The following ZNF518B variants were observed in gnomAD, a reference collection of about 807,000 sequenced individuals.
ZNF518B encodes the protein zinc finger protein 518B.
Under a neutral mutation model 56.3 loss-of-function variants are expected in ZNF518B, and 23 were observed. The observed-to-expected ratio is 0.41, with a 90% CI of 0.29 to 0.58. ZNF518B has a LOEUF of 0.58. ZNF518B is among the 20% of genes least tolerant of loss of function. ZNF518B has a pLI of 0.32. For synonymous variants in ZNF518B, 529 were observed against 465.9 expected (o/e 1.14, Z -1.74); for missense variants, 1,460 against 1,272.1 (o/e 1.15, Z -2.25).
chr4:10,444,371 T>C lies in ZNF518B; in HGVS notation c.1958A>G (p.Asn653Ser), dbSNP rs1714862132. Reference sequence around the variant, plus strand: ...TGACTTTATTTTAGACGTTGAGCTATTCCACTTAATGCCCTCGGGGACATT... The same window carrying C: ...TGACTTTATTTTAGACGTTGAGCTACTCCACTTAATGCCCTCGGGGACATT... ...SENVPEGIKW[N>S]SSTSKIKSIE... Residue 653 changes from asparagine to serine, a missense_variant, in exon 3 of 3, where the codon AAT becomes AGT. Transcript: ENST00000326756. The C allele has an allele frequency of 2.5e-6, 4 of 1,614,214 alleles. No homozygotes were observed. The highest frequency in any genetic ancestry group is 1.6e-4 in the Middle Eastern group (1 of 6,062).
In ZNF518B at chr4:10,442,568, C is replaced by A. The variant is rs900724228; in HGVS notation, c.*536G>T. ...CGGAACACTCGGGAGTATTACAAAA[C>A]CAGGGAGGGAGTAAAAGAATGGCCA... On this transcript the variant is annotated 3_prime_UTR_variant, in exon 3 of 3. Transcript: ENST00000326756. 1 of 153,518 alleles carries A rather than the reference C, an allele frequency of 6.5e-6. No individual in the cohort carries two copies. The highest frequency in any genetic ancestry group is 2.4e-5 in the African/African-American group (1 of 41,376). 9.5% of individuals were successfully genotyped at this position (153,518 alleles called of 1,614,324 possible). A position where few individuals can be genotyped will look rare whatever the true frequency, so the allele number is the denominator to read the frequency against.
rs939200003 is a variant in ZNF518B, at chr4:10,446,542, A to G, written c.-211-3T>C. 18 of 500,234 alleles carry G rather than the reference A, an allele frequency of 3.6e-5. 1 individual carries two copies. In the Admixed American group the frequency reaches 4.9e-4, roughly 14 times the overall value. The allele number at this position is 500,234 out of a possible 1,614,324, so 31.0% of individuals were successfully genotyped here. A position where few individuals can be genotyped will look rare whatever the true frequency, so the allele number is the denominator to read the frequency against. On this transcript the variant is annotated splice_region_variant and splice_polypyrimidine_tract_variant and intron_variant, in intron 2 of 2. Coordinates refer to ENST00000326756, the MANE Select transcript of ZNF518B (RefSeq NM_053042.3). The stretch of plus-strand genomic sequence containing the variant: ...GCTCTCTGACATTCCAGGTAACACT[A>G]AAGGAAAACAAAATTATAAAGCATG...
chr4:10,447,975 A>G (rs1444488233), intron 2 of ZNF518B, among the ~76,000 whole-genome samples: 1 of 152,146 alleles, frequency 6.6e-6, no homozygotes, highest in African/African-American at 2.4e-5. Flanking sequence ...ACAATCTTTA[A>G]AGACACTTAT....
At position 10,457,321 on chromosome 4, in the gene ZNF518B, C is replaced by G. The variant is rs1322145234; in HGVS notation, c.-400G>C. The G allele has an allele frequency of 6.6e-6, 1 of 151,902 alleles. No individual in the cohort carries two copies. The highest frequency in any genetic ancestry group is 2.4e-5 in the African/African-American group (1 of 41,404). 9.4% of individuals were successfully genotyped at this position (151,902 alleles called of 1,614,324 possible). A position where few individuals can be genotyped will look rare whatever the true frequency, so the allele number is the denominator to read the frequency against. On this transcript the variant is annotated 5_prime_UTR_variant, in exon 1 of 3. Transcript: ENST00000326756. ...CCCTCCCGCTCAGCTACTTACCCGG[C>G]AGGCCGGATTCGGGTGCCAGGTCCC...
chr4:10,456,489 T>A (rs1284671043), intron 1 of ZNF518B, among the ~76,000 whole-genome samples: 1 of 152,102 alleles, frequency 6.6e-6, no homozygotes, highest in Admixed American at 6.5e-5. Flanking sequence ...CCATCTCTTC[T>A]CAACCTCCTA....
intron 2 of ZNF518B, chr4:10,451,342 T>C (rs1249419920): frequency 6.6e-6 from 1 of 152,186 alleles, no homozygotes. Flanking sequence ...GAGAAGTAAG[T>C]GGTAACATAG....
Position 10,443,858 on chromosome 4 carries a change from TGTAA to T in ZNF518B, c.2467_2470del (p.Leu823SerfsTer3). The T allele has an allele frequency of 6.2e-7, 1 of 1,614,228 alleles. No homozygotes were observed. The highest frequency in any genetic ancestry group is 8.5e-7 in the Non-Finnish European group (1 of 1,180,038). On this transcript the variant is annotated frameshift_variant, in exon 3 of 3. Transcript: ENST00000326756. LOFTEE classifies it high-confidence loss of function. ...TGGCCCCCTTTCACTTCTTAAAGGC[TGTAA>T]GTCTGAGTCCGCCTGTCTCACAGGG...
rs1714999425 is a variant in ZNF518B, at chr4:10,445,651, G to C, written c.678C>G (p.Ala226=). 5.6e-6 allele frequency: 9 copies of C among 1,614,072 alleles called. No homozygotes were observed. The highest frequency in any genetic ancestry group is 4.4e-5 in the South Asian group (4 of 91,080). ...AGAKRPVKAV[A]KLEPKRTGTS... The stretch of plus-strand genomic sequence containing the variant: ...TTCCGGTTCTTTTTGGCTCCAGCTT[G>C]GCAACAGCTTTGACTGGCCGTTTCG... Residue 226 remains alanine, a synonymous_variant, in exon 3 of 3, where the codon GCC becomes GCG. Transcript: ENST00000326756.
chr4:10,446,159 A>G lies in ZNF518B; in HGVS notation c.170T>C (p.Ile57Thr), dbSNP rs766209265. 6 of 1,614,070 alleles carry G rather than the reference A, an allele frequency of 3.7e-6. No individual in the cohort carries two copies. In the African/African-American group the frequency reaches 4.0e-5, roughly 11 times the overall value. Residue 57 changes from isoleucine (I) to threonine (T), a missense_variant, in exon 3 of 3, where the codon ATT (isoleucine) becomes ACT (threonine). Ile to Thr is a moderately conservative substitution (Grantham distance 89). Coordinates refer to ENST00000326756, the MANE Select transcript of ZNF518B (RefSeq NM_053042.3). The part of the protein sequence containing the change: ...GSEAEAAMMT[I>T]ATCAKCKSVH... ...ACTTTTGCACTTTGCACATGTAGCA[A>G]TGGTCATCATGGCAGCCTCTGCCTC... is the stretch of plus-strand genomic sequence containing the variant.
rs1411326831 is a variant in ZNF518B, at chr4:10,446,586, C to T, written c.-211-47G>A. The stretch of plus-strand genomic sequence containing the variant: ...AAGCATGATTAATATAAGAGTTTGG[C>T]TAAGCTATTAACAAACTTATCCTAT... On this transcript the variant is annotated intron_variant, in intron 2 of 2. Coordinates refer to ENST00000326756, the MANE Select transcript of ZNF518B (RefSeq NM_053042.3). The T allele has an allele frequency of 4.0e-5, 16 of 397,738 alleles. No individual in the cohort carries two copies. In the East Asian group the frequency reaches 6.2e-4, roughly 15 times the overall value. 24.6% of individuals were successfully genotyped at this position (397,738 alleles called of 1,614,324 possible).
rs141392062 is a variant in ZNF518B, at chr4:10,446,056, G to A, written c.273C>T (p.Leu91=). 3.6e-4 allele frequency: 588 copies of A among 1,613,966 alleles called. 2 individuals carry two copies. The highest frequency in any genetic ancestry group is 8.2e-4 in the Middle Eastern group (5 of 6,084). ...DGMYVCFQCS[L]GAAPPNFHFV... The stretch of plus-strand genomic sequence containing the variant: ...AATGAAAATTGGGAGGAGCTGCACC[G>A]AGGCTGCACTGGAAGCAGACATACA... The change falls in exon 3 of 3, where the codon CTC becomes CTT. Residue 91 remains leucine, a synonymous_variant. Coordinates refer to ENST00000326756, the MANE Select transcript of ZNF518B (RefSeq NM_053042.3).
intron 2 of ZNF518B, among the ~76,000 whole-genome samples, chr4:10,448,362 C>T (rs117872461): frequency 1.2e-4 from 18 of 152,206 alleles, no homozygotes; most frequent in East Asian, 3.9e-4. Flanking sequence ...GAAAGACCGA[C>T]GTCGGGGAGT....
chr4:10,444,312 T>C lies in ZNF518B; in HGVS notation c.2017A>G (p.Ile673Val). ...ELLRRKIAQL[I>V]ESCGKPSSLA... ...GATGACGGCTTCCCACAGGACTCAA[T>C]TAACTGAGCTATCTTTCTGCGCAAC... The change falls in exon 3 of 3, where the codon ATT (isoleucine) becomes GTT (valine). Residue 673 changes from isoleucine (I) to valine (V), a missense_variant. By Grantham distance (29) the Ile-to-Val change is conservative (BLOSUM62 3). Transcript: ENST00000326756. The C allele has an allele frequency of 6.2e-7, 1 of 1,614,230 alleles. No homozygotes were observed.
At position 10,441,360 on chromosome 4, in the gene ZNF518B, G is replaced by A. The variant is rs1466666579; in HGVS notation, c.*1744C>T. ...TGATCATGTATTGAATTATACAAAAGAAATGTTGATTATCTGTAATGAGAA... is the reference window on the plus strand; with the variant it reads ...TGATCATGTATTGAATTATACAAAAAAAATGTTGATTATCTGTAATGAGAA... On this transcript the variant is annotated 3_prime_UTR_variant, in exon 3 of 3. Coordinates refer to ENST00000326756, the MANE Select transcript of ZNF518B (RefSeq NM_053042.3). The A allele has an allele frequency of 7.0e-6, 1 of 141,906 alleles. No individual in the cohort carries two copies. Among genetic ancestry groups the A allele is most frequent in the Non-Finnish European group, 1.5e-5 (1 of 65,850 alleles). The allele number at this position is 141,906 out of a possible 1,614,324, so 8.8% of individuals were successfully genotyped here.
Position 10,446,280 on chromosome 4 carries a change from GT to G in ZNF518B, c.48del (p.His17IlefsTer4), listed in dbSNP as rs1489167526. On this transcript the variant is annotated frameshift_variant, in exon 3 of 3. Coordinates refer to ENST00000326756, the MANE Select transcript of ZNF518B (RefSeq NM_053042.3). LOFTEE classifies it low-confidence loss of function (END_TRUNC). The part of the protein sequence containing the change: ...QQLYTTHLNG[G>X]HNSLTMSPKQ... Reference sequence around the variant, plus strand: ...TTGGGTGACATGGTCAAGGAATTATGTCCGCCGTTCAAGTGTGTAGTGTATA... The same window carrying G: ...TTGGGTGACATGGTCAAGGAATTATGCCGCCGTTCAAGTGTGTAGTGTATA... 1 of 1,614,072 alleles carries G rather than the reference GT, an allele frequency of 6.2e-7. No individual in the cohort carries two copies. The highest frequency in any genetic ancestry group is 1.3e-5 in the African/African-American group (1 of 74,934).
chr4:10,443,527 A>C lies in ZNF518B; in HGVS notation c.2802T>G (p.Ile934Met). 1 of 1,614,000 alleles carries C rather than the reference A, an allele frequency of 6.2e-7. No homozygotes were observed. The highest frequency in any genetic ancestry group is 8.5e-7 in the Non-Finnish European group (1 of 1,179,850). Reference protein sequence around the residue: ...RLIAAKPDQLIKCPRRNQPVI... With the variant: ...RLIAAKPDQLMKCPRRNQPVI... ...CTGGCTGGTTCCGACGGGGACACTT[A>C]ATCAACTGATCTGGCTTAGCTGCTA... The change falls in exon 3 of 3, where the codon ATT (isoleucine) becomes ATG (methionine). Residue 934 changes from isoleucine to methionine, a missense_variant. Coordinates refer to ENST00000326756, the MANE Select transcript of ZNF518B (RefSeq NM_053042.3).
chr4:10,439,966 G>C lies in ZNF518B; in HGVS notation c.*3138C>G, dbSNP rs1714597237. 6.6e-6 allele frequency: 1 copy of C among 152,562 alleles called. No individual in the cohort carries two copies. Among genetic ancestry groups the C allele is most frequent in the South Asian group, 2.1e-4 (1 of 4,832 alleles). The allele number at this position is 152,562 out of a possible 1,614,324, so 9.5% of individuals were successfully genotyped here. ...TATATACAAACATGTTTCAAAACCA[G>C]AGCAGCAGACACACAAACTGTTAAC... is the stretch of plus-strand genomic sequence containing the variant. On this transcript the variant is annotated 3_prime_UTR_variant, in exon 3 of 3. Transcript: ENST00000326756.
chr4:10,442,804 C>T lies in ZNF518B; in HGVS notation c.*300G>A, dbSNP rs1048329462. 2.2e-5 allele frequency: 7 copies of T among 311,560 alleles called. No individual in the cohort carries two copies. Among genetic ancestry groups the T allele is most frequent in the South Asian group, 1.3e-4 (2 of 15,870 alleles). 19.3% of individuals were successfully genotyped at this position (311,560 alleles called of 1,614,324 possible). A position where few individuals can be genotyped will look rare whatever the true frequency, so the allele number is the denominator to read the frequency against. ...GAAAGATCAGTATGTACTCAGAAAACGGGGTGCTAAACAAAGAAAAGTCTC... is the reference window on the plus strand; with the variant it reads ...GAAAGATCAGTATGTACTCAGAAAATGGGGTGCTAAACAAAGAAAAGTCTC... On this transcript the variant is annotated 3_prime_UTR_variant, in exon 3 of 3. Coordinates refer to ENST00000326756, the MANE Select transcript of ZNF518B (RefSeq NM_053042.3).
rs1714804847 is a variant in ZNF518B at position 10,443,780 on chromosome 4, T to C, written c.2549A>G (p.Glu850Gly). 6.2e-7 allele frequency: 1 copy of C among 1,614,098 alleles called. No homozygotes were observed. Among genetic ancestry groups the C allele is most frequent in the Non-Finnish European group, 8.5e-7 (1 of 1,180,040 alleles). The change falls in exon 3 of 3, where the codon GAG (glutamate) becomes GGG (glycine). Residue 850 changes from glutamate (E) to glycine (G), a missense_variant. Glu to Gly is a moderately conservative substitution (Grantham distance 98). Coordinates refer to ENST00000326756, the MANE Select transcript of ZNF518B (RefSeq NM_053042.3). ...ATGGATGGTGCTACAGACAGCACTC[T>C]CTTTTCTCAGTTTAGGCCGCAGAGG... ...ETPLRPKLRK[E>G]SAVCSTIHRK...
Sources: allele counts gnomAD v4.1 joint callset (sites outside exome capture counted in the v4.1 genomes callset), GRCh38; gene constraint gnomAD v4.1.1; transcripts MANE v1.5; gene names NCBI Gene and HGNC (gene_info 2026-07-23, HGNC 2026-07-21).